Variants in NFIB observed in about 807,000 individuals in gnomAD.
NFIB encodes the protein nuclear factor 1 B-type.
NFIB carries 11 observed loss-of-function variants against 61.5 expected under a neutral mutation model. That is an observed-to-expected ratio of 0.18 (90% CI 0.11 to 0.30). NFIB has a LOEUF of 0.30. Ranked by LOEUF, NFIB falls within the 10% of genes least tolerant of loss-of-function variation. NFIB has a pLI of 1.00. For synonymous variants in NFIB, 260 were observed against 216.5 expected (o/e 1.20, Z -1.76); for missense variants, 471 against 608.9 (o/e 0.77, Z 2.38).
Position 14,088,191 on chromosome 9 carries a change from T to C in NFIB, c.*118A>G, listed in dbSNP as rs2033165365. 2.6e-6 allele frequency: 4 copies of C among 1,519,140 alleles called. No individual in the cohort carries two copies. The East Asian group carries it at 7.4e-5, about 28-fold the overall frequency. 94.1% of individuals were successfully genotyped at this position (1,519,140 alleles called of 1,614,324 possible). A position where few individuals can be genotyped will look rare whatever the true frequency, so the allele number is the denominator to read the frequency against. On this transcript the variant is annotated 3_prime_UTR_variant, in exon 11 of 11. Coordinates refer to ENST00000380953, the MANE Select transcript of NFIB (RefSeq NM_001190737.2). ...TTCTTAAACTATTGTTGTGTTTCTT[T>C]TTCCCTCAGTTGCTTGTTTCTGCTT...
Position 14,154,374 on chromosome 9 carries a change from A to G in NFIB, c.685+1451T>C, listed in dbSNP as rs148620537. ...CTGGAGCACCATAAGCCTTTCCGCT[A>G]AAGAAGAGTATGGGGAAGACACACA... On this transcript the variant is annotated intron_variant, in intron 4 of 10. Transcript: ENST00000380953. 1.9e-3 allele frequency among the ~76,000 whole-genome samples: 294 copies of G among 152,268 alleles called. 2 individuals carry two copies. The highest frequency in any genetic ancestry group is 3.4e-3 in the Middle Eastern group (1 of 294).
chr9:14,425,183 A>G, the NFIB span, among the ~76,000 whole-genome samples: 1 of 152,220 alleles, frequency 6.6e-6, no homozygotes, highest in Non-Finnish European at 1.5e-5. Flanking sequence ...AGTCAAGGGC[A>G]GATAAATTGT....
chr9:14,409,289 C>G, the NFIB span, among the ~76,000 whole-genome samples: 8 of 152,124 alleles, frequency 5.3e-5, no homozygotes, highest in African/African-American at 1.9e-4. Flanking sequence ...TGTTTAACAA[C>G]TGGCTGGCAA....
chr9:14,346,290 A>ACCCCCCCCCCCC (rs67699489), intron 1 of NFIB, among the ~76,000 whole-genome samples: 6 of 88,438 alleles, frequency 6.8e-5, no homozygotes, highest in East Asian at 3.0e-4. Flanking sequence ...GGTAACCGAC[A>ACCCCCCCCCCCC]CCCCCCCCCC....
At chr9:14,357,491 C>A (rs971418379) in intron 1 of NFIB, 1 of 152,110 alleles carries the variant, frequency 6.6e-6, no homozygotes, top group Non-Finnish European at 1.5e-5. Flanking sequence ...TAGACAGCAC[C>A]CTCCTCCTCC....
chr9:14,395,726 C>CT (rs35417792), intron 1 of NFIB, among the ~76,000 whole-genome samples: 4,127 of 65,734 alleles, frequency 0.063, 705 homozygotes, highest in East Asian at 0.21. Flanking sequence ...ATTCTTTTGA[C>CT]TTTTTTTTTT....
chr9:14,301,361 T>G (rs528326699), intron 2 of NFIB, among the ~76,000 whole-genome samples: 173 of 152,310 alleles, frequency 1.1e-3, no homozygotes, highest in African/African-American at 3.7e-3. Context: ...CAAGAGACAT[T>G]GTGCACTAAA....
chr9:14,469,509 A>G, the NFIB span, among the ~76,000 whole-genome samples: 1 of 152,224 alleles, frequency 6.6e-6, no homozygotes, highest in African/African-American at 2.4e-5. Context: ...TCCCTTCCAA[A>G]TTTGGAAATA....
At chr9:14,405,597 C>A in the NFIB span, among the ~76,000 whole-genome samples, 1 of 151,706 alleles carries the variant, frequency 6.6e-6, no homozygotes, top group Non-Finnish European at 1.5e-5. Flanking sequence ...GAAAACAGAA[C>A]GTTAGTAGCA....
intron 2 of NFIB, among the ~76,000 whole-genome samples, chr9:14,283,448 T>C (rs978093392): frequency 6.6e-6 from 1 of 152,206 alleles, no homozygotes; most frequent in Non-Finnish European, 1.5e-5. Flanking sequence ...AACTGCCACA[T>C]TCCATCCTGG....
chr9:14,237,842 A>C (rs12343609), intron 2 of NFIB, among the ~76,000 whole-genome samples: 1 of 52,520 alleles, frequency 1.9e-5, no homozygotes, highest in African/African-American at 7.8e-5. Context: ...TAGGTATAAC[A>C]GTGTGTGTGT....
chr9:14,399,828 G>C (rs982196021), upstream of NFIB, among the ~76,000 whole-genome samples: 1 of 152,096 alleles, frequency 6.6e-6, no homozygotes, highest in East Asian at 1.9e-4. Context: ...AAGTTCTTGT[G>C]GTTTGAGTTA....
the NFIB span, among the ~76,000 whole-genome samples, chr9:14,408,649 T>A: frequency 2.0e-5 from 3 of 152,194 alleles, no homozygotes; most frequent in African/African-American, 7.2e-5. Context: ...TGAATGGTCA[T>A]GGGTACAACG....
chr9:14,128,740 A>G (rs1025684614), intron 6 of NFIB, among the ~76,000 whole-genome samples: 7 of 151,980 alleles, frequency 4.6e-5, no homozygotes, highest in African/African-American at 1.5e-4. Flanking sequence ...CTTGAGAAAC[A>G]GAACAGTGTC....
chr9:14,309,407 C>G (rs1037000369), intron 1 of NFIB, among the ~76,000 whole-genome samples: 1 of 152,138 alleles, frequency 6.6e-6, no homozygotes, highest in African/African-American at 2.4e-5. Flanking sequence ...TGTTCCTTCA[C>G]CAGAATAAGT....
At chr9:14,117,557 T>C (rs1162976424) in intron 8 of NFIB, among the ~76,000 whole-genome samples, 1 of 152,134 alleles carries the variant, frequency 6.6e-6, no homozygotes, top group East Asian at 1.9e-4. Flanking sequence ...AGACATTTAT[T>C]TAGAGAAAAA....
At chr9:14,152,790 G>A (rs1255963627) in intron 4 of NFIB, among the ~76,000 whole-genome samples, 2 of 150,792 alleles carry the variant, frequency 1.3e-5, no homozygotes, top group African/African-American at 2.4e-5. Context: ...CAATAAAAAC[G>A]ACAAATATAG....
At chr9:14,294,053 T>C (rs1222152853) in intron 2 of NFIB, among the ~76,000 whole-genome samples, 4 of 152,228 alleles carry the variant, frequency 2.6e-5, no homozygotes, top group African/African-American at 9.6e-5. Flanking sequence ...ATGTTTTATA[T>C]TATACGAATG....
At chr9:14,278,210 T>G (rs2058134754) in intron 2 of NFIB, among the ~76,000 whole-genome samples, 1 of 152,222 alleles carries the variant, frequency 6.6e-6, no homozygotes, top group African/African-American at 2.4e-5. Flanking sequence ...CCATGGGAAG[T>G]GCAGTTGACT....
Sources: allele counts gnomAD v4.1 joint callset (sites outside exome capture counted in the v4.1 genomes callset), GRCh38; gene constraint gnomAD v4.1.1; transcripts MANE v1.5; gene names NCBI Gene and HGNC (gene_info 2026-07-23, HGNC 2026-07-21).